Variants in ATP5F1B observed in about 807,000 individuals in gnomAD.
The protein encoded by ATP5F1B is ATP synthase F(1) complex subunit beta, mitochondrial.
In ATP5F1B, 17 loss-of-function variants were observed where a neutral mutation model predicts 45.9. That is an observed-to-expected ratio of 0.37 (90% CI 0.25 to 0.56). ATP5F1B has a LOEUF of 0.56. Ranked by LOEUF, ATP5F1B falls within the 20% of genes least tolerant of loss-of-function variation. The pLI is 0.80. For synonymous variants in ATP5F1B, 218 were observed against 256.5 expected, an observed-to-expected ratio of 0.85 and a Z score of 1.43; for missense variants, 387 against 673.2, an observed-to-expected ratio of 0.57 and a Z score of 4.70.
chr12:56,643,460 A>ATT lies in ATP5F1B; in HGVS notation c.734_735insAA (p.Asp245GlufsTer7). 6.2e-7 allele frequency: 1 copy of ATT among 1,614,136 alleles called. No individual in the cohort carries two copies. The highest frequency in any genetic ancestry group is 8.5e-7 in the Non-Finnish European group (1 of 1,180,020). On this transcript the variant is annotated frameshift_variant, in exon 5 of 10. Transcript: ENST00000262030. LOFTEE classifies it high-confidence loss of function. ...CAGATTCAATCATTTCATGGTATAAATCATTGCCTTCACGGGTCCTCTCAC... is the reference window on the plus strand; with the variant it reads ...CAGATTCAATCATTTCATGGTATAAATTTCATTGCCTTCACGGGTCCTCTCAC...
Position 56,645,257 on chromosome 12 carries a change from A to G in ATP5F1B, c.224T>C (p.Phe75Ser). The G allele has an allele frequency of 6.2e-7, 1 of 1,614,248 alleles. No individual in the cohort carries two copies. Among genetic ancestry groups the G allele is most frequent in the Non-Finnish European group, 8.5e-7 (1 of 1,180,028 alleles). The change falls in exon 2 of 10, where the codon TTT becomes TCT. Residue 75 changes from phenylalanine (F) to serine (S), a missense_variant. Coordinates refer to ENST00000262030, the MANE Select transcript of ATP5F1B (RefSeq NM_001686.4). ...AVIGAVVDVQ[F>S]DEGLPPILNA... ...TAGAATTGGTGGTAGTCCCTCATCA[A>G]ACTGGACGTCCACCACTGCGCCAAT...
rs1951542263 is a variant in ATP5F1B at position 56,645,418 on chromosome 12, A to T, written c.128-65T>A. On this transcript the variant is annotated intron_variant, in intron 1 of 9. Transcript: ENST00000262030. ...CAGTTAAAGGTCATCGGAAGCCAGGACTTAACACACAAGGAGAGGAAAACT... is the reference window on the plus strand; with the variant it reads ...CAGTTAAAGGTCATCGGAAGCCAGGTCTTAACACACAAGGAGAGGAAAACT... 3.1e-5 allele frequency: 47 copies of T among 1,511,972 alleles called. 2 individuals carry two copies. In the South Asian group the frequency reaches 5.5e-4, roughly 18 times the overall value. 93.7% of individuals were successfully genotyped at this position (1,511,972 alleles called of 1,614,324 possible).
rs746223095 is a variant in ATP5F1B, at chr12:56,642,599, T to A, written c.952-19A>T. On this transcript the variant is annotated intron_variant, in intron 6 of 9. Coordinates refer to ENST00000262030, the MANE Select transcript of ATP5F1B (RefSeq NM_001686.4). Reference sequence around the variant, plus strand: ...CAGACACCTAAAAGAAAAAAAGGTCTTAGGTGTCTACATCCTTAGCCTCAT... The same window carrying A: ...CAGACACCTAAAAGAAAAAAAGGTCATAGGTGTCTACATCCTTAGCCTCAT... 1 of 1,614,090 alleles carries A rather than the reference T, an allele frequency of 6.2e-7. No individual in the cohort carries two copies. Among genetic ancestry groups the A allele is most frequent in the South Asian group, 1.1e-5 (1 of 91,080 alleles).
chr12:56,644,695 T>C (rs768650385), intron 3 of ATP5F1B, 86 bp downstream of exon 3: 39 of 1,411,652 alleles, frequency 2.8e-5, no homozygotes, highest in Non-Finnish European at 3.5e-5. Context: ...AGAAAAATTC[T>C]GCTTTAGGAG....
Position 56,640,166 on chromosome 12 carries a change from C to T in ATP5F1B, c.1101G>A (p.Leu367=). 6.2e-7 allele frequency: 1 copy of T among 1,613,434 alleles called. No individual in the cohort carries two copies. The highest frequency in any genetic ancestry group is 1.3e-5 in the African/African-American group (1 of 74,886). Residue 367 remains leucine (L), a synonymous_variant, in exon 8 of 10, where the codon TTG becomes TTA. Transcript: ENST00000262030. The part of the protein sequence containing the change: ...VQAIYVPADD[L]TDPAPATTFA... ...ACGTAGTAGCAGGGGCAGGGTCAGT[C>T]AAGTCATCAGCAGGCACATAGATAG...
intron 7 of ATP5F1B, 27 bp from the exon 8 acceptor site, chr12:56,640,219 G>A (rs748739186): frequency 5.1e-6 from 8 of 1,578,474 alleles, no homozygotes; most frequent in Middle Eastern, 1.9e-4. Flanking sequence ...TGAAGAACAG[G>A]AACCAAAGTA....
chr12:56,643,126 TAGCTTTCAAATGA>T, intron 5 of ATP5F1B: 1 of 477,348 alleles, frequency 2.1e-6, no homozygotes, highest in South Asian at 3.8e-5. Flanking sequence ...CTCCCAAAAT[TAGCTTTCAAATGA>T]TGGGACTATC....
rs1592643169 is a variant in ATP5F1B, at chr12:56,638,389, A to G, written c.1524T>C (p.Tyr508=). ...CAGCTTCTTCAATGGGTCCCACCATATAGAAGGCCTGTTCTGGGAGATGGT... is the reference window on the plus strand; with the variant it reads ...CAGCTTCTTCAATGGGTCCCACCATGTAGAAGGCCTGTTCTGGGAGATGGT... The part of the protein sequence containing the change: ...EYDHLPEQAF[Y]MVGPIEEAVA... The change falls in exon 10 of 10, where the codon TAT becomes TAC. Residue 508 remains tyrosine, a synonymous_variant. Coordinates refer to ENST00000262030, the MANE Select transcript of ATP5F1B (RefSeq NM_001686.4). 1 of 1,613,862 alleles carries G rather than the reference A, an allele frequency of 6.2e-7. No homozygotes were observed. Among genetic ancestry groups the G allele is most frequent in the Non-Finnish European group, 8.5e-7 (1 of 1,179,910 alleles).
Position 56,639,105 on chromosome 12 carries a change from C to T in ATP5F1B, c.1489+1G>A. 6.2e-7 allele frequency: 1 copy of T among 1,614,092 alleles called. No homozygotes were observed. The highest frequency in any genetic ancestry group is 8.5e-7 in the Non-Finnish European group (1 of 1,180,000). ...TTCAAGATTTGTACTCAAAATCTCACCTGCCAAAATCTGCTGGAATCCTTT... is the reference window on the plus strand; with the variant it reads ...TTCAAGATTTGTACTCAAAATCTCATCTGCCAAAATCTGCTGGAATCCTTT... On this transcript the variant is annotated splice_donor_variant, in intron 9 of 9. Coordinates refer to ENST00000262030, the MANE Select transcript of ATP5F1B (RefSeq NM_001686.4). LOFTEE classifies it high-confidence loss of function.
chr12:56,642,425 A>C, intron 7 of ATP5F1B, 33 bp downstream of exon 7: 2 of 1,612,212 alleles, frequency 1.2e-6, no homozygotes, highest in Non-Finnish European at 1.7e-6. Flanking sequence ...GCCTTTATAC[A>C]AATCAGATCT....
At chr12:56,643,799 T>G in intron 4 of ATP5F1B, 38 bp downstream of exon 4, 1 of 1,613,062 alleles carries the variant, frequency 6.2e-7, no homozygotes, top group Non-Finnish European at 8.5e-7. Flanking sequence ...TTTCCTCCCA[T>G]ATTAGGTTTG....
At position 56,639,240 on chromosome 12, in the gene ATP5F1B, A is replaced by G. The variant is rs758248124; in HGVS notation, c.1355T>C (p.Leu452Ser). 5 of 1,614,092 alleles carry G rather than the reference A, an allele frequency of 3.1e-6. No homozygotes were observed. Among genetic ancestry groups the G allele is most frequent in the Non-Finnish European group, 4.2e-6 (5 of 1,179,998 alleles). Residue 452 changes from leucine (L) to serine (S), a missense_variant, in exon 9 of 10, where the codon TTG becomes TCG. Leu to Ser is a moderately radical substitution (Grantham distance 145). Coordinates refer to ENST00000262030, the MANE Select transcript of ATP5F1B (RefSeq NM_001686.4). ...GMDELSEEDK[L>S]TVSRARKIQR... Reference sequence around the variant, plus strand: ...TATTTTCCGTGCACGGGACACGGTCAACTTGTCTTCCTCAGAAAGTTCATC... The same window carrying G: ...TATTTTCCGTGCACGGGACACGGTCGACTTGTCTTCCTCAGAAAGTTCATC...
chr12:56,641,636 C>T (rs1034534332), intron 7 of ATP5F1B, among the ~76,000 whole-genome samples: 5 of 151,954 alleles, frequency 3.3e-5, no homozygotes, highest in Non-Finnish European at 7.4e-5. Flanking sequence ...CTGCAACCTC[C>T]GCCTCCCAGG....
At chr12:56,640,370 G>A (rs975250804) in intron 7 of ATP5F1B, among the ~76,000 whole-genome samples, 178 bp from the exon 8 acceptor site, 2 of 151,950 alleles carry the variant, frequency 1.3e-5, no homozygotes, top group Non-Finnish European at 2.9e-5. Context: ...TAGGACTACA[G>A]GTGCCCATCA....
At chr12:56,644,365 T>TG (rs774300599) in intron 3 of ATP5F1B, among the ~76,000 whole-genome samples, 1 of 112,916 alleles carries the variant, frequency 8.9e-6, no homozygotes, top group Non-Finnish European at 1.8e-5. Context: ...CCCAGCACTT[T>TG]GGGGGGCCGA....
chr12:56,644,704 A>G (rs1951537466), intron 3 of ATP5F1B, 77 bp downstream of exon 3: 4 of 1,469,028 alleles, frequency 2.7e-6, no homozygotes, highest in East Asian at 2.3e-5. Flanking sequence ...CTGCTTTAGG[A>G]GAACATGTCA....
intron 3 of ATP5F1B, 151 bp from the exon 4 acceptor site, chr12:56,644,109 A>G (rs1951532866): frequency 1.2e-5 from 10 of 841,114 alleles, no homozygotes; most frequent in African/African-American, 1.7e-5. Context: ...CAGATAAACT[A>G]TCATCTAGGA....
chr12:56,645,044 T>C (rs773454573), intron 2 of ATP5F1B, 89 bp from the exon 3 acceptor site: 1 of 1,606,970 alleles, frequency 6.2e-7, no homozygotes, highest in Non-Finnish European at 8.5e-7. Context: ...AGTACCTAAA[T>C]GTGGCTTCAG....
intron 6 of ATP5F1B, 45 bp from the exon 7 acceptor site, chr12:56,642,625 C>T (rs201302572): frequency 6.2e-7 from 1 of 1,613,968 alleles, no homozygotes; most frequent in East Asian, 2.2e-5. Flanking sequence ...TTAGCCTCAT[C>T]CGAAGAAAGG....
Sources: gnomAD v4.1 joint callset for allele counts (sites outside exome capture counted in the v4.1 genomes callset) on GRCh38, gnomAD v4.1.1 for gene constraint, MANE v1.5 for transcripts, NCBI Gene and HGNC (gene_info 2026-07-23, HGNC 2026-07-21) for gene names.